The following FBXW7 variants were observed in gnomAD, a reference collection of about 807,000 sequenced individuals.
FBXW7 encodes F-box and WD repeat domain containing 7.
FBXW7 carries 11 observed loss-of-function variants against 86.3 expected under a neutral mutation model. The observed-to-expected ratio is 0.13, with a 90% CI of 0.08 to 0.21. The LOEUF is 0.21. Among genes scored for constraint, FBXW7 ranks in the 10% least tolerant of loss-of-function variants. The pLI is 1.00. For missense variants in FBXW7, 488 were observed against 847.4 expected, an observed-to-expected ratio of 0.58 and a Z score of 5.27; for synonymous variants, 313 against 297.9, an observed-to-expected ratio of 1.05 and a Z score of -0.52.
In FBXW7 at chr4:152,337,976, T is replaced by C. The variant is rs753203835; in HGVS notation, c.727-40A>G. On this transcript the variant is annotated intron_variant, in intron 6 of 13. Coordinates refer to ENST00000281708, the MANE Select transcript of FBXW7 (RefSeq NM_001349798.2). ...TAGAAATTTTTATTGTTTTAACAGA[T>C]GTCCCAAATTACAGGCTTATAAAGG... is the stretch of plus-strand genomic sequence containing the variant. 8 of 1,572,614 alleles carry C rather than the reference T, an allele frequency of 5.1e-6. No homozygotes were observed. In the African/African-American group the frequency reaches 8.2e-5, roughly 16 times the overall value.
chr4:152,485,041 C>G (rs1043749029), intron 2 of FBXW7, among the ~76,000 whole-genome samples: 6 of 148,784 alleles, frequency 4.0e-5, no homozygotes, highest in African/African-American at 1.5e-4. Context: ...CAAAATTAAA[C>G]ATAGTAATGA....
chr4:152,378,695 C>T (rs1734780618), intron 4 of FBXW7, among the ~76,000 whole-genome samples: 1 of 152,050 alleles, frequency 6.6e-6, no homozygotes, highest in African/African-American at 2.4e-5. Context: ...ATTAAAAGTC[C>T]ATTTTCTTTC....
intron 4 of FBXW7, among the ~76,000 whole-genome samples, chr4:152,366,252 T>C (rs1261904861): frequency 2.0e-5 from 3 of 152,148 alleles, no homozygotes; most frequent in African/African-American, 7.2e-5. Context: ...ACAGTCCAAA[T>C]ACAAATTAAA....
intron 2 of FBXW7, among the ~76,000 whole-genome samples, chr4:152,522,253 C>T (rs1026685768): frequency 1.3e-5 from 2 of 152,046 alleles, no homozygotes; most frequent in South Asian, 2.1e-4. Flanking sequence ...ATGAATAGCT[C>T]GTCATAAAAA....
intron 11 of FBXW7, among the ~76,000 whole-genome samples, 177 bp from the exon 12 acceptor site, chr4:152,326,408 A>G (rs1206462787): frequency 2.0e-5 from 3 of 151,312 alleles, no homozygotes; most frequent in Admixed American, 6.6e-5. Flanking sequence ...GTATATAAAC[A>G]TAATAAGGGA....
At chr4:152,349,876 C>A (rs1731638907) in intron 5 of FBXW7, among the ~76,000 whole-genome samples, 166 bp downstream of exon 5, 1 of 151,744 alleles carries the variant, frequency 6.6e-6, no homozygotes, top group South Asian at 2.1e-4. Flanking sequence ...AGGTGGCATT[C>A]CTCTTATTTA....
intron 2 of FBXW7, among the ~76,000 whole-genome samples, chr4:152,440,933 G>A (rs1024339747): frequency 1.3e-5 from 2 of 149,612 alleles, no homozygotes; most frequent in African/African-American, 4.9e-5. Context: ...AAGTTTATAC[G>A]GTTTTTTTTT....
chr4:152,337,220 A>T (rs1730221509), intron 7 of FBXW7, among the ~76,000 whole-genome samples: 2 of 151,940 alleles, frequency 1.3e-5, no homozygotes, highest in South Asian at 4.1e-4. Flanking sequence ...GTTAGCATGT[A>T]ATTAGTATGG....
intron 7 of FBXW7, among the ~76,000 whole-genome samples, chr4:152,337,209 T>C (rs1671646645): frequency 6.6e-6 from 1 of 151,900 alleles, no homozygotes. Context: ...AAAGAAGTGC[T>C]GTTAGCATGT....
At chr4:152,509,255 C>T (rs28434212) in intron 2 of FBXW7, among the ~76,000 whole-genome samples, 71,605 of 151,914 alleles carry the variant, frequency 0.47, 20,008 homozygotes, top group African/African-American at 0.78. Context: ...GAATGTTAAT[C>T]TCCTGATTTT....
rs746848214 is a variant in FBXW7, at chr4:152,328,276, A to G, written c.1350T>C (p.Thr450=). 6 of 1,602,428 alleles carry G rather than the reference A, an allele frequency of 3.7e-6. No homozygotes were observed. The highest frequency in any genetic ancestry group is 5.1e-6 in the Non-Finnish European group (6 of 1,175,288). The change falls in exon 11 of 14, where the codon ACT becomes ACC. Residue 450 remains threonine (T), a synonymous_variant. Coordinates refer to ENST00000281708, the MANE Select transcript of FBXW7 (RefSeq NM_001349798.2). ...CATATAAGGTGTGTATACATTCTCC[A>G]GTCTCTGCATTCCACACTTTGAGTG... The part of the protein sequence containing the change: ...DRTLKVWNAE[T]GECIHTLYGH...
intron 2 of FBXW7, among the ~76,000 whole-genome samples, chr4:152,502,811 A>T (rs1747079402): frequency 6.6e-6 from 1 of 152,198 alleles, no homozygotes; most frequent in South Asian, 2.1e-4. Flanking sequence ...TGGGTTTTAA[A>T]GTTTTACAAG....
chr4:152,449,067 A>C (rs551887733), intron 2 of FBXW7, among the ~76,000 whole-genome samples: 1 of 152,166 alleles, frequency 6.6e-6, no homozygotes, highest in Non-Finnish European at 1.5e-5. Flanking sequence ...GAACCGTTTA[A>C]TATCTGGAAA....
chr4:152,520,814 G>C (rs1286151014), intron 2 of FBXW7, among the ~76,000 whole-genome samples: 2 of 152,198 alleles, frequency 1.3e-5, no homozygotes, highest in Admixed American at 1.3e-4. Context: ...TTAAGAATAA[G>C]ATGTTCCAAA....
intron 2 of FBXW7, among the ~76,000 whole-genome samples, chr4:152,515,270 A>T (rs1008882331): frequency 6.6e-6 from 1 of 152,206 alleles, no homozygotes; most frequent in African/African-American, 2.4e-5. Context: ...TTAAAATACT[A>T]AAAAATGCAA....
chr4:152,337,965 G>T, intron 6 of FBXW7, 29 bp from the exon 7 acceptor site: 1 of 1,577,968 alleles, frequency 6.3e-7, no homozygotes, highest in Non-Finnish European at 8.6e-7. Flanking sequence ...AATTTTTATT[G>T]TTTTAACAGA....
At chr4:152,462,654 T>C (rs1039545417) in intron 2 of FBXW7, among the ~76,000 whole-genome samples, 2 of 152,258 alleles carry the variant, frequency 1.3e-5, no homozygotes, top group African/African-American at 4.8e-5. Context: ...GGCTCTCATC[T>C]GGCTTTGCTT....
intron 2 of FBXW7, among the ~76,000 whole-genome samples, chr4:152,441,261 TGA>T: frequency 6.6e-6 from 1 of 152,308 alleles, no homozygotes; most frequent in South Asian, 2.1e-4. Context: ...CGCCTGTCTC[TGA>T]GAGGAAAAAT....
At chr4:152,399,868 A>T (rs1736758204) in intron 4 of FBXW7, among the ~76,000 whole-genome samples, 1 of 152,232 alleles carries the variant, frequency 6.6e-6, no homozygotes, top group Non-Finnish European at 1.5e-5. Flanking sequence ...TACTGTCAAG[A>T]TGTCAGTCCT....
Sources: allele counts gnomAD v4.1 joint callset (sites outside exome capture counted in the v4.1 genomes callset), GRCh38; gene constraint gnomAD v4.1.1; transcripts MANE v1.5; gene names NCBI Gene and HGNC (gene_info 2026-07-23, HGNC 2026-07-21).